Variants in C10orf67 observed in about 807,000 individuals in gnomAD.
The protein encoded by C10orf67 is chromosome 10 open reading frame 67, also known as uncharacterized protein C10orf67, mitochondrial.
In C10orf67, 60 loss-of-function variants were observed where a neutral mutation model predicts 35.6. That is an observed-to-expected ratio of 1.68 (90% CI 1.37 to 2.09). The LOEUF is 2.09. Ranked by LOEUF, C10orf67 falls within the 30% of genes most tolerant of loss-of-function variation. The pLI, the probability that C10orf67 is intolerant of heterozygous loss-of-function variation, is 0.00. For synonymous variants in C10orf67, 167 were observed against 115.8 expected, an observed-to-expected ratio of 1.44 and a Z score of -2.84; for missense variants, 474 against 330.2, an observed-to-expected ratio of 1.44 and a Z score of -3.38.
intron 5 of C10orf67, among the ~76,000 whole-genome samples, chr10:23,300,085 C>T (rs560003704): frequency 2.2e-4 from 33 of 152,194 alleles, no homozygotes; most frequent in African/African-American, 7.5e-4. Flanking sequence ...AGGGTGATGG[C>T]ATGGGCTGGT....
chr10:23,331,064 CAGGGAAGGGAGG>C (rs1228186363), intron 2 of C10orf67, among the ~76,000 whole-genome samples: 4 of 21,060 alleles, frequency 1.9e-4, no homozygotes, highest in South Asian at 4.0e-3. Context: ...GGGAGAGAAA[CAGGGAAGGGAGG>C]AGGGAGGGGA....
At chr10:23,234,797 G>T (rs1358402180) in intron 13 of C10orf67, among the ~76,000 whole-genome samples, 1 of 151,614 alleles carries the variant, frequency 6.6e-6, no homozygotes. Context: ...GGCAGATCAT[G>T]AGGTCAAGAG....
chr10:23,273,716 G>C (rs550445783), intron 8 of C10orf67, among the ~76,000 whole-genome samples: 148 of 152,320 alleles, frequency 9.7e-4, no homozygotes, highest in Middle Eastern at 3.4e-3. Context: ...AGGAGGCATA[G>C]AGCAATAGCT....
At chr10:23,292,683 TA>T (rs1454400485) in intron 5 of C10orf67, among the ~76,000 whole-genome samples, 2 of 152,192 alleles carry the variant, frequency 1.3e-5, no homozygotes, top group African/African-American at 4.8e-5. Flanking sequence ...ATAAGTCCTT[TA>T]AAACAAGTGA....
chr10:23,344,720 AT>A lies in C10orf67; in HGVS notation c.54del (p.Arg18SerfsTer10). On this transcript the variant is annotated frameshift_variant, in exon 1 of 16. Coordinates refer to ENST00000636213, the MANE Select transcript of C10orf67 (RefSeq NM_001371909.1). LOFTEE classifies it high-confidence loss of function. ...AAGGAGGAGGAAAAGCAGTGAACCCATCTAATAACTATGCTCATGACATAAT... is the reference window on the plus strand; with the variant it reads ...AAGGAGGAGGAAAAGCAGTGAACCCACTAATAACTATGCTCATGACATAAT... ...RAHYVMSIVI[R>X]WVHCFSSSLR... 1.3e-6 allele frequency: 2 copies of A among 1,574,164 alleles called. No individual in the cohort carries two copies. The highest frequency in any genetic ancestry group is 1.7e-6 in the Non-Finnish European group (2 of 1,160,204).
At chr10:23,303,258 T>G (rs1844153605) in intron 5 of C10orf67, 46 bp downstream of exon 5, 1 of 461,684 alleles carries the variant, frequency 2.2e-6, no homozygotes, top group Non-Finnish European at 3.9e-6. Context: ...ATTTATGACT[T>G]TATTTATGTA....
intron 1 of C10orf67, among the ~76,000 whole-genome samples, chr10:23,344,266 G>A (rs1846046770): frequency 7.8e-6 from 1 of 127,562 alleles, no homozygotes; most frequent in Admixed American, 7.8e-5. Context: ...AGGTGTGGAG[G>A]GAAGGAAGAG....
intron 13 of C10orf67, among the ~76,000 whole-genome samples, chr10:23,233,559 G>C (rs921336229): frequency 3.4e-4 from 51 of 152,190 alleles, no homozygotes; most frequent in African/African-American, 1.2e-3. Flanking sequence ...ATAAATAATT[G>C]CTATTCAAGT....
At chr10:23,266,567 G>T in intron 9 of C10orf67, 141 bp from the exon 10 acceptor site, 1 of 395,688 alleles carries the variant, frequency 2.5e-6, no homozygotes, top group Non-Finnish European at 4.4e-6. Flanking sequence ...ATTTGTTCTT[G>T]CTCCCAGGCC....
chr10:23,290,606 A>G (rs1270482434), intron 6 of C10orf67, among the ~76,000 whole-genome samples: 1 of 152,196 alleles, frequency 6.6e-6, no homozygotes, highest in African/African-American at 2.4e-5. Context: ...ACTTTCACCA[A>G]TGTTTGTGGT....
intron 15 of C10orf67, among the ~76,000 whole-genome samples, chr10:23,211,502 A>G (rs547876572): frequency 1.8e-4 from 27 of 148,880 alleles, no homozygotes; most frequent in African/African-American, 6.7e-4. Context: ...ATCACAATTC[A>G]ACCCGTAACA....
chr10:23,313,504 C>T (rs1415111040), intron 4 of C10orf67, among the ~76,000 whole-genome samples: 1 of 152,186 alleles, frequency 6.6e-6, no homozygotes, highest in African/African-American at 2.4e-5. Flanking sequence ...TTACATGCCA[C>T]GCAGTCTGCT....
chr10:23,319,384 A>T (rs1054090924), intron 4 of C10orf67, among the ~76,000 whole-genome samples: 9 of 151,500 alleles, frequency 5.9e-5, no homozygotes, highest in African/African-American at 2.2e-4. Flanking sequence ...TATGTACCAC[A>T]TTTTTTTTTA....
chr10:23,284,643 G>A (rs1278996108), intron 7 of C10orf67, among the ~76,000 whole-genome samples: 1 of 152,058 alleles, frequency 6.6e-6, no homozygotes, highest in Admixed American at 6.6e-5. Flanking sequence ...CCATGATCAT[G>A]CCACTGCACT....
At chr10:23,281,724 T>C (rs1470739187) in intron 8 of C10orf67, among the ~76,000 whole-genome samples, 1 of 152,188 alleles carries the variant, frequency 6.6e-6, no homozygotes, top group Non-Finnish European at 1.5e-5. Context: ...CTCATATTTG[T>C]TTTTTTAAAT....
chr10:23,335,061 G>GAAAGCAT (rs1845623499), intron 1 of C10orf67, among the ~76,000 whole-genome samples: 1 of 151,954 alleles, frequency 6.6e-6, no homozygotes, highest in African/African-American at 2.4e-5. Flanking sequence ...GGTGGCACGT[G>GAAAGCAT]CCTGTAATCC....
chr10:23,274,423 G>A (rs374124654), intron 8 of C10orf67, among the ~76,000 whole-genome samples: 36 of 152,194 alleles, frequency 2.4e-4, no homozygotes, highest in African/African-American at 7.0e-4. Flanking sequence ...CAGAGCGGCC[G>A]TCTATAGACC....
chr10:23,315,688 G>A (rs1380330541), intron 4 of C10orf67, among the ~76,000 whole-genome samples: 2 of 152,136 alleles, frequency 1.3e-5, no homozygotes, highest in Non-Finnish European at 2.9e-5. Flanking sequence ...TGATCTGCCT[G>A]CCTCGGCCCC....
intron 15 of C10orf67, among the ~76,000 whole-genome samples, chr10:23,212,116 C>T (rs999597577): frequency 2.0e-5 from 3 of 152,070 alleles, no homozygotes; most frequent in Admixed American, 6.6e-5. Flanking sequence ...GGAATGTGAA[C>T]GCAGAGATGT....
Sources: allele counts gnomAD v4.1 joint callset (sites outside exome capture counted in the v4.1 genomes callset), GRCh38; gene constraint gnomAD v4.1.1; transcripts MANE v1.5; gene names NCBI Gene and HGNC (gene_info 2026-07-23, HGNC 2026-07-21).